Variants in EGFR observed in about 807,000 individuals in gnomAD.
EGFR encodes epidermal growth factor receptor.
EGFR carries 58 observed loss-of-function variants against 143.0 expected under a neutral mutation model. The ratio of observed to expected loss-of-function variants is 0.41; its 90% CI spans 0.33 to 0.50. The LOEUF is 0.50. Among genes scored for constraint, EGFR ranks in the 20% least tolerant of loss-of-function variants. The pLI, the probability that EGFR is intolerant of heterozygous loss-of-function variation, is 0.39. For missense variants in EGFR, 1,307 were observed against 1,579.0 expected (o/e 0.83, Z 2.92); for synonymous variants, 613 against 594.4 (o/e 1.03, Z -0.45).
At chr7:55,144,658 C>T (rs548441490) in intron 3 of EGFR, among the ~76,000 whole-genome samples, 1 of 152,142 alleles carries the variant, frequency 6.6e-6, no homozygotes, top group Non-Finnish European at 1.5e-5. Context: ...TCAGAGCAGC[C>T]GCGCACATGC....
chr7:55,112,197 C>T (rs1792543173), intron 1 of EGFR, among the ~76,000 whole-genome samples: 3 of 152,238 alleles, frequency 2.0e-5, no homozygotes, highest in African/African-American at 4.8e-5. Flanking sequence ...CTCACCCCTT[C>T]GGGTCTCATT....
At chr7:55,032,403 T>G (rs1446632925) in intron 1 of EGFR, among the ~76,000 whole-genome samples, 1 of 152,190 alleles carries the variant, frequency 6.6e-6, no homozygotes, top group African/African-American at 2.4e-5. Flanking sequence ...GAAGATGCAA[T>G]TTATTTCAAA....
chr7:55,035,775 T>C (rs770086881), intron 1 of EGFR, among the ~76,000 whole-genome samples: 6 of 152,080 alleles, frequency 3.9e-5, no homozygotes, highest in Non-Finnish European at 8.8e-5. Context: ...TGGTTTGCTG[T>C]GATAGCAAAT....
At chr7:55,090,368 C>A (rs1191564407) in intron 1 of EGFR, among the ~76,000 whole-genome samples, 1 of 152,158 alleles carries the variant, frequency 6.6e-6, no homozygotes, top group Non-Finnish European at 1.5e-5. Context: ...AGTACAAAGG[C>A]CACCAGCCAA....
At chr7:55,126,832 G>A (rs562052206) in intron 1 of EGFR, among the ~76,000 whole-genome samples, 40 of 152,252 alleles carry the variant, frequency 2.6e-4, no homozygotes, top group Non-Finnish European at 5.6e-4. Context: ...GTTTGTCAGG[G>A]GATGAGTGAG....
intron 11 of EGFR, among the ~76,000 whole-genome samples, chr7:55,158,533 G>A (rs12056121): frequency 0.23 from 34,519 of 152,172 alleles, 4,191 homozygotes; most frequent in South Asian, 0.37. Context: ...TCCCAGAAAG[G>A]CCTTTTTGCT....
At chr7:55,132,454 G>A (rs1353605175) in intron 1 of EGFR, among the ~76,000 whole-genome samples, 2 of 152,164 alleles carry the variant, frequency 1.3e-5, no homozygotes, top group Non-Finnish European at 2.9e-5. Flanking sequence ...TCCAGAGGAT[G>A]GGAAGGCATA....
chr7:55,135,167 T>G (rs1269249897), intron 1 of EGFR, among the ~76,000 whole-genome samples: 1 of 152,146 alleles, frequency 6.6e-6, no homozygotes, highest in Non-Finnish European at 1.5e-5. Context: ...CAAGCTTGGC[T>G]TTGGATTCTT....
At chr7:55,043,891 G>T (rs1788043097) in intron 1 of EGFR, 1 of 152,140 alleles carries the variant, frequency 6.6e-6, no homozygotes, top group Admixed American at 6.5e-5. Context: ...CAGCATGCAG[G>T]ATGGCATTCC....
At chr7:55,100,253 C>T (rs115522147) in intron 1 of EGFR, among the ~76,000 whole-genome samples, 105 of 152,334 alleles carry the variant, frequency 6.9e-4, no homozygotes, top group African/African-American at 2.4e-3. Context: ...ACCTAGTTTT[C>T]CTCCCAATTT....
At chr7:55,065,830 CTTTT>C (rs35171442) in intron 1 of EGFR, among the ~76,000 whole-genome samples, 3 of 120,472 alleles carry the variant, frequency 2.5e-5, no homozygotes, top group Admixed American at 8.7e-5. Context: ...GACTAAGTGG[CTTTT>C]TTTTTTTTTT....
intron 7 of EGFR, among the ~76,000 whole-genome samples, chr7:55,155,299 G>C (rs892602424): frequency 1.3e-5 from 2 of 152,124 alleles, no homozygotes; most frequent in South Asian, 4.1e-4. Flanking sequence ...AAAATTAGCC[G>C]GGCGTGGTGG....
intron 1 of EGFR, among the ~76,000 whole-genome samples, chr7:55,089,568 T>C (rs1790978538): frequency 6.6e-6 from 1 of 152,240 alleles, no homozygotes; most frequent in African/African-American, 2.4e-5. Flanking sequence ...CTCCGTTTCA[T>C]GGTTATGAAT....
chr7:55,081,762 C>G (rs955351499), intron 1 of EGFR, among the ~76,000 whole-genome samples: 1 of 150,470 alleles, frequency 6.6e-6, no homozygotes, highest in South Asian at 2.2e-4. Context: ...CTCTCCAAAA[C>G]GTGCTGTCAG....
chr7:55,080,022 T>A (rs990108388), intron 1 of EGFR, among the ~76,000 whole-genome samples: 1 of 152,194 alleles, frequency 6.6e-6, no homozygotes, highest in Admixed American at 6.5e-5. Flanking sequence ...ATATTTTTAA[T>A]TTTTTTATTT....
intron 1 of EGFR, among the ~76,000 whole-genome samples, chr7:55,042,341 T>C (rs1787943162): frequency 6.6e-6 from 1 of 152,210 alleles, no homozygotes; most frequent in South Asian, 2.1e-4. Context: ...AGAAGTTACA[T>C]CCTTGCTGTC....
intron 12 of EGFR, among the ~76,000 whole-genome samples, chr7:55,160,552 T>C (rs1025769761): frequency 6.6e-6 from 1 of 152,266 alleles, no homozygotes; most frequent in African/African-American, 2.4e-5. Flanking sequence ...GAATTTACCC[T>C]GAGGTTTAGG....
chr7:55,154,186 A>T (rs1166240679), intron 7 of EGFR, 34 bp downstream of exon 7: 3 of 1,614,044 alleles, frequency 1.9e-6, no homozygotes. Flanking sequence ...CTAACTGGTC[A>T]GGCATCCTTG....
At position 55,055,723 on chromosome 7, in the gene EGFR, C is replaced by CACCA. The variant is rs1554318493; in HGVS notation, c.88+36358_88+36359insACCA. Among the ~76,000 whole-genome samples the CACCA allele has an allele frequency of 5.0e-3, 741 of 148,306 alleles. 5 individuals are homozygous for CACCA. Among genetic ancestry groups the CACCA allele is most frequent in the African/African-American group, 0.017 (676 of 40,414 alleles). ...TTGCACGCACACACACACACACACA[C>CACCA]CACACACACACACACACCACACACA... On this transcript the variant is annotated intron_variant, in intron 1 of 27. Transcript: ENST00000275493.
Sources: gnomAD v4.1 joint callset for allele counts (sites outside exome capture counted in the v4.1 genomes callset) on GRCh38, gnomAD v4.1.1 for gene constraint, MANE v1.5 for transcripts, NCBI Gene and HGNC (gene_info 2026-07-23, HGNC 2026-07-21) for gene names.